The following DMD variants were observed in gnomAD, a reference collection of about 807,000 sequenced individuals.
The protein encoded by DMD is dystrophin.
In DMD, 63 loss-of-function variants were observed where a neutral mutation model predicts 330.1. The ratio of observed to expected loss-of-function variants is 0.19; its 90% CI spans 0.16 to 0.24. The LOEUF is 0.24. Ranked by LOEUF, DMD falls within the 10% of genes least tolerant of loss-of-function variation. The pLI, the probability that DMD is intolerant of heterozygous loss-of-function variation, is 1.00. For synonymous variants in DMD, 1,223 were observed against 959.8 expected (o/e 1.27, Z -5.07); for missense variants, 3,344 against 2,684.1 (o/e 1.25, Z -5.43).
chrX:32,449,797 G>C (rs1441739047), intron 26 of DMD, among the ~76,000 whole-genome samples: 5 of 109,824 alleles, frequency 4.6e-5, no homozygotes, highest in African/African-American at 1.6e-4. Context: ...GTTCCTCCAG[G>C]GGTCAAACCT....
At chrX:31,912,599 G>A (rs2094560857) in intron 47 of DMD, among the ~76,000 whole-genome samples, 1 of 111,774 alleles carries the variant, frequency 8.9e-6, no homozygotes, top group Admixed American at 9.5e-5. Flanking sequence ...ATAAAGATGT[G>A]CTTGAGCCTA....
chrX:31,939,714 G>A (rs1473630876), intron 45 of DMD, among the ~76,000 whole-genome samples: 1 of 111,454 alleles, frequency 9.0e-6, no homozygotes. Flanking sequence ...GGAAAATATG[G>A]ATACAGAGCT....
At chrX:31,702,965 C>T (rs2083919887) in intron 52 of DMD, among the ~76,000 whole-genome samples, 1 of 108,485 alleles carries the variant, frequency 9.2e-6, no homozygotes, top group East Asian at 2.9e-4. Context: ...AGCTATTCTC[C>T]TGCCTCAGCC....
chrX:32,924,674 G>C (rs1035884659), intron 2 of DMD, among the ~76,000 whole-genome samples: 10 of 111,945 alleles, frequency 8.9e-5, no homozygotes, highest in Non-Finnish European at 1.9e-4. Context: ...AAAATACACT[G>C]ATTTTCTCCT....
chrX:31,472,781 G>A (rs1039204338), intron 59 of DMD, among the ~76,000 whole-genome samples: 8 of 112,112 alleles, frequency 7.1e-5, no homozygotes, highest in Non-Finnish European at 1.3e-4. Flanking sequence ...CAATTTGAAT[G>A]CCAAAAAAGG....
At chrX:32,593,174 G>A (rs1325019525) in intron 13 of DMD, among the ~76,000 whole-genome samples, 1 of 112,597 alleles carries the variant, frequency 8.9e-6, no homozygotes, top group East Asian at 2.8e-4. Context: ...CGGCCACAGA[G>A]GTTTCTGGCT....
intron 11 of DMD, among the ~76,000 whole-genome samples, chrX:32,624,896 G>A (rs1446282675): frequency 8.9e-6 from 1 of 111,913 alleles, no homozygotes; most frequent in African/African-American, 3.2e-5. Context: ...GAAGGCGGCT[G>A]GGTGCGATGG....
chrX:33,185,932 G>A (rs560892956), intron 1 of DMD, among the ~76,000 whole-genome samples: 2 of 112,253 alleles, frequency 1.8e-5, no homozygotes, highest in African/African-American at 6.5e-5. Flanking sequence ...TTTCCTGCAG[G>A]ATTCCAGAGC....
chrX:32,082,584 T>G (rs1052048603), intron 44 of DMD, among the ~76,000 whole-genome samples: 17 of 111,725 alleles, frequency 1.5e-4, no homozygotes, highest in African/African-American at 5.5e-4. Context: ...TTCCACTCAT[T>G]TGTTTTATTG....
intron 43 of DMD, among the ~76,000 whole-genome samples, chrX:32,252,669 T>TATATATAA (rs1289021470): frequency 3.9e-5 from 2 of 51,181 alleles, no homozygotes; most frequent in Non-Finnish European, 5.9e-5. Context: ...TATAAATATA[T>TATATATAA]ATATATAAAT....
intron 44 of DMD, among the ~76,000 whole-genome samples, chrX:32,035,994 T>A (rs1368264843): frequency 9.0e-6 from 1 of 111,500 alleles, no homozygotes; most frequent in African/African-American, 3.3e-5. Flanking sequence ...CTTAAGTCCA[T>A]CTGGGAAGGA....
chrX:32,688,571 T>C (rs1463162402), intron 9 of DMD, among the ~76,000 whole-genome samples: 1 of 111,983 alleles, frequency 8.9e-6, no homozygotes, highest in Non-Finnish European at 1.9e-5. Context: ...TAACACTCTA[T>C]GTGATAGTGG....
At chrX:32,975,228 G>C (rs1251600611) in intron 2 of DMD, among the ~76,000 whole-genome samples, 2 of 109,175 alleles carry the variant, frequency 1.8e-5, no homozygotes, top group Admixed American at 2.0e-4. Flanking sequence ...CAAAGAAATA[G>C]TTGTCTTGAT....
chrX:32,115,326 C>T (rs2096605755), intron 44 of DMD, among the ~76,000 whole-genome samples: 2 of 111,739 alleles, frequency 1.8e-5, no homozygotes, highest in South Asian at 7.5e-4. Context: ...GCCTTGACTT[C>T]CCAGGCTCAA....
intron 9 of DMD, among the ~76,000 whole-genome samples, chrX:32,653,780 C>T (rs2060348273): frequency 1.8e-5 from 2 of 111,890 alleles, no homozygotes; most frequent in African/African-American, 3.2e-5. Flanking sequence ...TTGATTCTTC[C>T]TATCCATGAG....
In DMD at chrX:31,478,358, C is replaced by A; in HGVS notation, c.8685G>T (p.Glu2895Asp). ...YQEPRELPPEERAQNVTRLLR... is the reference protein window; with the variant it reads ...YQEPRELPPEDRAQNVTRLLR... Reference sequence around the variant, plus strand: ...GAAGCCGAGTGACATTCTGGGCTCTCTCCTCAGGAGGCAGCTCTAAATTGG... The same window carrying A: ...GAAGCCGAGTGACATTCTGGGCTCTATCCTCAGGAGGCAGCTCTAAATTGG... Residue 2895 changes from glutamate to aspartate, a missense_variant, in exon 59 of 79, where the codon GAG becomes GAT. By Grantham distance (45) the Glu-to-Asp change is conservative. Coordinates refer to ENST00000357033, the MANE Select transcript of DMD (RefSeq NM_004006.3). The A allele has an allele frequency of 1.7e-6, 2 of 1,211,905 alleles. No individual in the cohort carries two copies. The highest frequency in any genetic ancestry group is 2.2e-6 in the Non-Finnish European group (2 of 895,581).
At chrX:33,190,923 TAATATTA>T (rs1388247778) in intron 1 of DMD, among the ~76,000 whole-genome samples, 1 of 886 alleles carries the variant, frequency 1.1e-3, no homozygotes, top group South Asian at 0.038. Context: ...ATTATATATA[TAATATTA>T]TATATATATA....
chrX:32,489,025 G>T (rs2148615673), intron 20 of DMD, among the ~76,000 whole-genome samples: 1 of 111,275 alleles, frequency 9.0e-6, no homozygotes, highest in Non-Finnish European at 1.9e-5. Flanking sequence ...AGATGCCCTT[G>T]GTGGCTGTAT....
chrX:32,257,613 T>C (rs2097304570), intron 43 of DMD, among the ~76,000 whole-genome samples: 2 of 111,732 alleles, frequency 1.8e-5, no homozygotes, highest in Non-Finnish European at 1.9e-5. Flanking sequence ...TGGCTAGTCA[T>C]ATGCAGAAAA....
Sources: gnomAD v4.1 joint callset for allele counts (sites outside exome capture counted in the v4.1 genomes callset) on GRCh38, gnomAD v4.1.1 for gene constraint, MANE v1.5 for transcripts, NCBI Gene and HGNC (gene_info 2026-07-23, HGNC 2026-07-21) for gene names.